The following GRIP1 variants were observed in gnomAD, a reference collection of about 807,000 sequenced individuals.
GRIP1 encodes the protein glutamate receptor interacting protein 1, also known as glutamate receptor-interacting protein 1.
GRIP1 carries 45 observed loss-of-function variants against 129.9 expected under a neutral mutation model. The ratio of observed to expected loss-of-function variants is 0.35; its 90% CI spans 0.27 to 0.44. The LOEUF (loss-of-function observed/expected upper bound fraction) is 0.44, where lower values mean the gene tolerates loss of function less well. Ranked by LOEUF, GRIP1 falls within the 20% of genes least tolerant of loss-of-function variation. GRIP1 has a pLI of 1.00. For synonymous variants in GRIP1, 530 were observed against 520.8 expected, an observed-to-expected ratio of 1.02 and a Z score of -0.24; for missense variants, 1,196 against 1,396.8, an observed-to-expected ratio of 0.86 and a Z score of 2.29.
At chr12:66,594,455 TTA>T (rs2063967335) in intron 2 of GRIP1, among the ~76,000 whole-genome samples, 1 of 150,926 alleles carries the variant, frequency 6.6e-6, no homozygotes, top group East Asian at 2.0e-4. Flanking sequence ...TTTAAAAACA[TTA>T]TGAGATTTTT....
chr12:66,515,481 A>T (rs2060818301), intron 7 of GRIP1, 138 bp downstream of exon 7: 2 of 840,422 alleles, frequency 2.4e-6, no homozygotes, highest in Non-Finnish European at 4.1e-6. Context: ...ACTCAAACAG[A>T]GTAAAATGAT....
At chr12:66,852,553 T>A (rs1488113724) in intron 1 of GRIP1, among the ~76,000 whole-genome samples, 1 of 151,352 alleles carries the variant, frequency 6.6e-6, no homozygotes, top group African/African-American at 2.4e-5. Context: ...TATATGTATA[T>A]GTATATATGT....
At chr12:66,373,859 T>G (rs1214413369) in intron 22 of GRIP1, among the ~76,000 whole-genome samples, 2 of 152,212 alleles carry the variant, frequency 1.3e-5, no homozygotes, top group African/African-American at 4.8e-5. Flanking sequence ...CCATACATCC[T>G]CATTTCAGTA....
At chr12:66,608,203 C>T (rs868489062) in intron 1 of GRIP1, among the ~76,000 whole-genome samples, 2 of 152,250 alleles carry the variant, frequency 1.3e-5, no homozygotes, top group South Asian at 2.1e-4. Flanking sequence ...GGATTTATCA[C>T]GGCTGTCAGA....
At chr12:66,504,181 TA>T (rs1242239949) in intron 7 of GRIP1, among the ~76,000 whole-genome samples, 1 of 152,102 alleles carries the variant, frequency 6.6e-6, no homozygotes, top group Non-Finnish European at 1.5e-5. Flanking sequence ...TTACTAAGAG[TA>T]ACCCAATATT....
chr12:66,658,534 T>G (rs1338196085), intron 1 of GRIP1, among the ~76,000 whole-genome samples: 1 of 151,040 alleles, frequency 6.6e-6, no homozygotes, highest in African/African-American at 2.4e-5. Context: ...TGAGCCAAGA[T>G]CGTGCCACTG....
At position 66,429,179 on chromosome 12, in the gene GRIP1, G is replaced by A. The variant is rs186490715; in HGVS notation, c.1768+3369C>T. Among the ~76,000 whole-genome samples the A allele has an allele frequency of 4.6e-4, 70 of 152,284 alleles. No homozygotes were observed. In the East Asian group the frequency reaches 5.6e-3, roughly 12 times the overall value. The stretch of plus-strand genomic sequence containing the variant: ...GTCAATTAGGTATGAAGAGTGAGCC[G>A]TAAAGGCTCTGCTGGTATGCTTCCA... On this transcript the variant is annotated intron_variant, in intron 14 of 24. Transcript: ENST00000359742.
At chr12:66,817,971 A>T (rs773528589) in intron 1 of GRIP1, among the ~76,000 whole-genome samples, 63 of 152,346 alleles carry the variant, frequency 4.1e-4, no homozygotes, top group Non-Finnish European at 5.6e-4. Flanking sequence ...TCTGAAATGT[A>T]GTTGGAAAAG....
intron 7 of GRIP1, among the ~76,000 whole-genome samples, chr12:66,510,115 G>C (rs560380520): frequency 6.6e-6 from 1 of 152,056 alleles, no homozygotes; most frequent in Non-Finnish European, 1.5e-5. Flanking sequence ...ACAATTTATT[G>C]AGCACATATG....
At chr12:66,849,681 T>C (rs1375276107) in intron 1 of GRIP1, among the ~76,000 whole-genome samples, 1 of 152,164 alleles carries the variant, frequency 6.6e-6, no homozygotes, top group Non-Finnish European at 1.5e-5. Flanking sequence ...AATAGCAATG[T>C]GAAGCCCATA....
At chr12:66,630,581 T>G (rs10784560) in intron 1 of GRIP1, among the ~76,000 whole-genome samples, 109,564 of 152,038 alleles carry the variant, frequency 0.72, 40,323 homozygotes, top group African/African-American at 0.87. Context: ...TAAAATGGAG[T>G]CTATCTTCCT....
chr12:66,957,139 G>C (rs2041854248), intron 1 of GRIP1, among the ~76,000 whole-genome samples: 1 of 152,062 alleles, frequency 6.6e-6, no homozygotes, highest in South Asian at 2.1e-4. Context: ...ACGGTCACTA[G>C]GAAGGTTCCC....
At chr12:66,554,881 A>G (rs1490236614) in intron 2 of GRIP1, among the ~76,000 whole-genome samples, 1 of 152,166 alleles carries the variant, frequency 6.6e-6, no homozygotes, top group Non-Finnish European at 1.5e-5. Flanking sequence ...GCAGTAGAAT[A>G]GAGCACCAGG....
At chr12:67,038,725 C>G (rs2043133794) in intron 1 of GRIP1, among the ~76,000 whole-genome samples, 1 of 152,172 alleles carries the variant, frequency 6.6e-6, no homozygotes. Context: ...ATCACTCAGG[C>G]ATCTGCCCAT....
At chr12:66,787,698 C>T (rs969365825) in intron 1 of GRIP1, among the ~76,000 whole-genome samples, 2 of 152,028 alleles carry the variant, frequency 1.3e-5, no homozygotes, top group African/African-American at 2.4e-5. Flanking sequence ...CACCCAACAC[C>T]GAATCTACCT....
chr12:67,025,819 T>A (rs1236510689), intron 1 of GRIP1, among the ~76,000 whole-genome samples: 1 of 152,196 alleles, frequency 6.6e-6, no homozygotes, highest in Non-Finnish European at 1.5e-5. Context: ...AATAAATAAT[T>A]TATTAAAATT....
At chr12:66,368,050 A>G (rs1253227236) in intron 23 of GRIP1, among the ~76,000 whole-genome samples, 1 of 152,216 alleles carries the variant, frequency 6.6e-6, no homozygotes, top group Non-Finnish European at 1.5e-5. Flanking sequence ...GAAGTGAGTG[A>G]AAACCCTTTA....
chr12:66,959,629 C>T (rs2041893359), intron 1 of GRIP1, among the ~76,000 whole-genome samples: 1 of 151,850 alleles, frequency 6.6e-6, no homozygotes, highest in African/African-American at 2.4e-5. Flanking sequence ...ACAACAAAAC[C>T]CAGAAAACAG....
At chr12:66,491,852 C>T (rs1312890544) in intron 7 of GRIP1, among the ~76,000 whole-genome samples, 2 of 152,188 alleles carry the variant, frequency 1.3e-5, no homozygotes, top group African/African-American at 4.8e-5. Context: ...TAGTATATTA[C>T]ACATGGTGGC....
Sources: gnomAD v4.1 joint callset for allele counts (sites outside exome capture counted in the v4.1 genomes callset) on GRCh38, gnomAD v4.1.1 for gene constraint, MANE v1.5 for transcripts, NCBI Gene and HGNC (gene_info 2026-07-23, HGNC 2026-07-21) for gene names.